The following FAM221B variants were observed in gnomAD, a reference collection of about 807,000 sequenced individuals.
FAM221B encodes the protein protein FAM221B.
FAM221B carries 35 observed loss-of-function variants against 39.8 expected under a neutral mutation model. The ratio of observed to expected loss-of-function variants is 0.88; its 90% CI spans 0.67 to 1.17. The LOEUF is 1.17. Among genes scored for constraint, FAM221B ranks in the 50% most tolerant of loss-of-function variants. The pLI, the probability that FAM221B is intolerant of heterozygous loss-of-function variation, is 0.00. For missense variants in FAM221B, 479 were observed against 503.1 expected (o/e 0.95, Z 0.46); for synonymous variants, 158 against 178.1 (o/e 0.89, Z 0.90).
In FAM221B at chr9:35,825,402, G is replaced by C. The variant is rs775108639; in HGVS notation, c.599-29C>G. 114 of 1,613,252 alleles carry C rather than the reference G, an allele frequency of 7.1e-5. No homozygotes were observed. The highest frequency in any genetic ancestry group is 9.6e-5 in the Non-Finnish European group (113 of 1,179,884). ...GGATGGGAGAGGATGAGTAACCAGG[G>C]GGAAGTGAGAAGGCCCTAAAACTAA... On this transcript the variant is annotated intron_variant, in intron 2 of 6. Transcript: ENST00000423537. The surrounding 1 kb of genome is among the most constrained non-coding windows in gnomAD (Gnocchi z 4.2).
intron 6 of FAM221B, 50 bp from the exon 7 acceptor site, chr9:35,818,556 G>A: frequency 6.5e-7 from 1 of 1,528,808 alleles, no homozygotes; most frequent in Non-Finnish European, 8.9e-7. Context: ...GGGGTCAGAA[G>A]GGAGGCCAGG....
rs904524373 is a variant in FAM221B, at chr9:35,816,429, T to C, written c.*2040A>G. The C allele has an allele frequency of 1.7e-4, 25 of 151,502 alleles. No homozygotes were observed. Among genetic ancestry groups the C allele is most frequent in the African/African-American group, 5.8e-4 (24 of 41,286 alleles). 9.4% of individuals were successfully genotyped at this position (151,502 alleles called of 1,614,324 possible). ...TTTTTTAAACACATGACCTGATACA[T>C]ATAGGTGGTCAGTAATTGTTGAATG... is the stretch of plus-strand genomic sequence containing the variant. On this transcript the variant is annotated 3_prime_UTR_variant, in exon 7 of 7. Transcript: ENST00000423537.
In FAM221B at chr9:35,819,994, TAG is replaced by T; in HGVS notation, c.747_748del (p.Tyr250HisfsTer18). The T allele has an allele frequency of 6.2e-7, 1 of 1,611,492 alleles. No individual in the cohort carries two copies. The highest frequency in any genetic ancestry group is 1.7e-4 in the Middle Eastern group (1 of 6,052). ...GTAATGGGGGCAGCGCCAGCCAATG[TAG>T]AGACCTAGGTATGCAGGATTAAAAG... On this transcript the variant is annotated frameshift_variant, in exon 4 of 7. Transcript: ENST00000423537. LOFTEE classifies it high-confidence loss of function.
Position 35,828,075 on chromosome 9 carries a change from T to G in FAM221B, c.-1+388A>C, listed in dbSNP as rs1829459725. ...GGGAGGCCAAGGCGGGTGGATCACT[T>G]GAGGTCAGGAGTTCGAGACCAGCCT... On this transcript the variant is annotated intron_variant, in intron 1 of 6. Coordinates refer to ENST00000423537, the MANE Select transcript of FAM221B (RefSeq NM_001012446.4). The surrounding 1 kb of genome is among the most constrained non-coding windows in gnomAD (Gnocchi z 4.5). Among the ~76,000 whole-genome samples the G allele has an allele frequency of 6.6e-6, 1 of 152,068 alleles. No individual in the cohort carries two copies. The highest frequency in any genetic ancestry group is 1.9e-4 in the East Asian group (1 of 5,198).
Position 35,825,908 on chromosome 9 carries a change from G to A in FAM221B, c.254C>T (p.Ser85Leu). 4 of 1,614,114 alleles carry A rather than the reference G, an allele frequency of 2.5e-6. No homozygotes were observed. Among genetic ancestry groups the A allele is most frequent in the Non-Finnish European group, 2.5e-6 (3 of 1,180,024 alleles). Residue 85 changes from serine (S) to leucine (L), a missense_variant, in exon 2 of 7, where the codon TCA (serine) becomes TTA (leucine). Transcript: ENST00000423537. This position sits in a 1 kb window ranked among gnomAD's most constrained non-coding sequence, Gnocchi z 4.2. The part of the protein sequence containing the change: ...HQEPSISETP[S>L]ETPTYEASLD... Reference sequence around the variant, plus strand: ...TGAAGCCTCATAGGTAGGGGTCTCTGAAGGAGTCTCAGAGATGGAAGGCTC... The same window carrying A: ...TGAAGCCTCATAGGTAGGGGTCTCTAAAGGAGTCTCAGAGATGGAAGGCTC...
intron 1 of FAM221B, chr9:35,826,803 C>CCTTCT (rs1419417394): frequency 6.6e-6 from 1 of 152,496 alleles, no homozygotes; most frequent in East Asian, 1.9e-4. Context: ...TGCCTGCTGG[C>CCTTCT]CTTCTCTTCT....
chr9:35,822,268 T>G (rs1234931144), intron 3 of FAM221B, among the ~76,000 whole-genome samples: 2 of 152,246 alleles, frequency 1.3e-5, no homozygotes, highest in African/African-American at 4.8e-5. Flanking sequence ...ATTCAGTTAA[T>G]GGCACCATTA....
rs1275735362 is a variant in FAM221B at position 35,820,017 on chromosome 9, A to C, written c.743-17T>G. ...TGTAGAGACCTAGGTATGCAGGATT[A>C]AAAGTGAGAAGTAAAAAAATTCTAA... On this transcript the variant is annotated splice_polypyrimidine_tract_variant and intron_variant, in intron 3 of 6. Coordinates refer to ENST00000423537, the MANE Select transcript of FAM221B (RefSeq NM_001012446.4). The C allele has an allele frequency of 6.3e-7, 1 of 1,584,762 alleles. No individual in the cohort carries two copies. Among genetic ancestry groups the C allele is most frequent in the African/African-American group, 1.3e-5 (1 of 74,376 alleles).
At position 35,826,311 on chromosome 9, in the gene FAM221B, G is replaced by A. The variant is rs1453477587; in HGVS notation, c.1-150C>T. The A allele has an allele frequency of 4.0e-5, 26 of 652,100 alleles. No individual in the cohort carries two copies. In the South Asian group the frequency reaches 5.2e-4, roughly 13 times the overall value. The allele number at this position is 652,100 out of a possible 1,614,324, so 40.4% of individuals were successfully genotyped here. On this transcript the variant is annotated intron_variant, in intron 1 of 6. Transcript: ENST00000423537. Reference sequence around the variant, plus strand: ...AAGAGGGAAACAACATGAACTCTGGGTCCTAGAGTGTGATGCCAAAAGGTT... The same window carrying A: ...AAGAGGGAAACAACATGAACTCTGGATCCTAGAGTGTGATGCCAAAAGGTT...
At chr9:35,821,651 A>G (rs1022993698) in intron 3 of FAM221B, 1 of 1,363,708 alleles carries the variant, frequency 7.3e-7, no homozygotes, top group Non-Finnish European at 9.8e-7. Context: ...GATACATTAA[A>G]AAAGCAGGAG....
Position 35,820,020 on chromosome 9 carries a change from A to C in FAM221B, c.743-20T>G, listed in dbSNP as rs753430259. ...AGAGACCTAGGTATGCAGGATTAAAAGTGAGAAGTAAAAAAATTCTAAGCT... is the reference window on the plus strand; with the variant it reads ...AGAGACCTAGGTATGCAGGATTAAACGTGAGAAGTAAAAAAATTCTAAGCT... On this transcript the variant is annotated intron_variant, in intron 3 of 6. Coordinates refer to ENST00000423537, the MANE Select transcript of FAM221B (RefSeq NM_001012446.4). The C allele has an allele frequency of 1.9e-6, 3 of 1,579,902 alleles. No individual in the cohort carries two copies. The African/African-American group carries it at 4.0e-5, about 21-fold the overall frequency.
rs752927511 is a variant in FAM221B at position 35,825,724 on chromosome 9, G to A, written c.438C>T (p.Leu146=). ...GTTCTGGAAGGCTCTCAGATTCAGA[G>A]AGATGGGTAGACCTCCTTGTCCATG... The part of the protein sequence containing the change: ...EVPWTRRSTH[L]SESESLPEHC... The change falls in exon 2 of 7, where the codon CTC becomes CTT. Residue 146 remains leucine, a synonymous_variant. Coordinates refer to ENST00000423537, the MANE Select transcript of FAM221B (RefSeq NM_001012446.4). This position sits in a 1 kb window ranked among gnomAD's most constrained non-coding sequence, Gnocchi z 4.2. The A allele has an allele frequency of 2.5e-5, 41 of 1,614,134 alleles. No homozygotes were observed. Among genetic ancestry groups the A allele is most frequent in the Non-Finnish European group, 3.3e-5 (39 of 1,180,048 alleles).
rs1435930418 is a variant in FAM221B, at chr9:35,826,031, G to T, written c.131C>A (p.Thr44Asn). The T allele has an allele frequency of 6.2e-7, 1 of 1,614,014 alleles. No homozygotes were observed. The highest frequency in any genetic ancestry group is 1.3e-5 in the African/African-American group (1 of 74,910). Reference sequence around the variant, plus strand: ...ATGGGGCTCTAACGGGGTCTCAGAGGTGGAAGGCTTCAAGAAGCTTTCAGA... The same window carrying T: ...ATGGGGCTCTAACGGGGTCTCAGAGTTGGAAGGCTTCAAGAAGCTTTCAGA... ...HISESFLKPSTSETPLEPHTS... is the reference protein window; with the variant it reads ...HISESFLKPSNSETPLEPHTS... Residue 44 changes from threonine to asparagine, a missense_variant, in exon 2 of 7, where the codon ACC becomes AAC. Transcript: ENST00000423537.
intron 1 of FAM221B, among the ~76,000 whole-genome samples, chr9:35,827,558 C>A (rs1374277212): frequency 6.6e-6 from 1 of 152,156 alleles, no homozygotes; most frequent in Non-Finnish European, 1.5e-5. Flanking sequence ...CCTAATTTAT[C>A]CTGCAAGGAT....
At position 35,816,818 on chromosome 9, in the gene FAM221B, G is replaced by GCA. The variant is rs1829033055; in HGVS notation, c.*1649_*1650dup. ...CCCAGGGATCCTAGCAGTCCAGATT[G>GCA]CATTCCTTCCCTTGGAGGAACAGAT... On this transcript the variant is annotated 3_prime_UTR_variant, in exon 7 of 7. Coordinates refer to ENST00000423537, the MANE Select transcript of FAM221B (RefSeq NM_001012446.4). 1 of 152,178 alleles carries GCA rather than the reference G, an allele frequency of 6.6e-6. No homozygotes were observed. Among genetic ancestry groups the GCA allele is most frequent in the Non-Finnish European group, 1.5e-5 (1 of 68,024 alleles). The allele number at this position is 152,178 out of a possible 1,614,324, so 9.4% of individuals were successfully genotyped here.
rs545763200 is a variant in FAM221B at position 35,827,546 on chromosome 9, T to G, written c.-1+917A>C. Among the ~76,000 whole-genome samples the G allele has an allele frequency of 1.1e-4, 16 of 152,310 alleles. No homozygotes were observed. The South Asian group carries it at 3.3e-3, about 32-fold the overall frequency. On this transcript the variant is annotated intron_variant, in intron 1 of 6. Coordinates refer to ENST00000423537, the MANE Select transcript of FAM221B (RefSeq NM_001012446.4). ...CTAGGATACGGTGGGGAGGGGGATA[T>G]ACCTAATTTATCCTGCAAGGATGTA...
In FAM221B at chr9:35,819,947, C is replaced by G; in HGVS notation, c.796G>C (p.Gly266Arg). 6.2e-7 allele frequency: 1 copy of G among 1,610,330 alleles called. No individual in the cohort carries two copies. The highest frequency in any genetic ancestry group is 2.2e-5 in the East Asian group (1 of 44,876). ...CCACAAAAGCATCTGGACTCATCCC[C>G]AATCCGGAAACAGTCCCATAGGTAA... ...PHYLWDCFRI[G>R]DESRCFCGHL... Residue 266 changes from glycine to arginine, a missense_variant, in exon 4 of 7, where the codon GGG (glycine) becomes CGG (arginine). Coordinates refer to ENST00000423537, the MANE Select transcript of FAM221B (RefSeq NM_001012446.4).
Position 35,817,013 on chromosome 9 carries a change from T to C in FAM221B, c.*1456A>G, listed in dbSNP as rs745949680. On this transcript the variant is annotated 3_prime_UTR_variant, in exon 7 of 7. Coordinates refer to ENST00000423537, the MANE Select transcript of FAM221B (RefSeq NM_001012446.4). Reference sequence around the variant, plus strand: ...AGAGGAAGGAAGCCAGTCTGGAGGATAGGTGGATACAAAGCACTTTGAAAT... The same window carrying C: ...AGAGGAAGGAAGCCAGTCTGGAGGACAGGTGGATACAAAGCACTTTGAAAT... 1.6e-4 allele frequency: 25 copies of C among 152,220 alleles called. No individual in the cohort carries two copies. The highest frequency in any genetic ancestry group is 2.8e-4 in the Non-Finnish European group (19 of 68,046). The allele number at this position is 152,220 out of a possible 1,614,324, so 9.4% of individuals were successfully genotyped here.
rs1390215260 is a variant in FAM221B, at chr9:35,825,852, T to C, written c.310A>G (p.Lys104Glu). ...LDSPISVVPE[K>E]HLTLPPQSRD... ...GATTGGGGAGGAAGAGTAAGGTGTT[T>C]CTCTGGCACCACTGAGATGGGACTA... Residue 104 changes from lysine to glutamate, a missense_variant, in exon 2 of 7, where the codon AAA (lysine) becomes GAA (glutamate). Coordinates refer to ENST00000423537, the MANE Select transcript of FAM221B (RefSeq NM_001012446.4). The surrounding 1 kb of genome is among the most constrained non-coding windows in gnomAD (Gnocchi z 4.2). The C allele has an allele frequency of 1.2e-6, 2 of 1,614,054 alleles. No homozygotes were observed. The highest frequency in any genetic ancestry group is 2.2e-5 in the South Asian group (2 of 91,070).
Sources: gnomAD v4.1 joint callset for allele counts (sites outside exome capture counted in the v4.1 genomes callset) on GRCh38, gnomAD v4.1.1 for gene constraint, Gnocchi (gnomAD v3.1) non-coding constraint, MANE v1.5 for transcripts, NCBI Gene and HGNC (gene_info 2026-07-23, HGNC 2026-07-21) for gene names.